DPF3: variants seen among roughly 807,000 people sequenced by gnomAD.
The protein encoded by DPF3 is double PHD fingers 3.
Under a neutral mutation model 56.8 loss-of-function variants are expected in DPF3, and 18 were observed. The ratio of observed to expected loss-of-function variants is 0.32; its 90% confidence interval spans 0.22 to 0.47. The LOEUF (loss-of-function observed/expected upper bound fraction) is 0.47, where lower values mean the gene tolerates loss of function less well. Ranked by LOEUF, DPF3 falls within the 20% of genes least tolerant of loss-of-function variation. The probability of loss-of-function intolerance (pLI) is 1.00; values close to 1 mark genes in which losing one functional copy is unlikely to be tolerated. For missense variants in DPF3, 403 were observed against 488.8 expected, an observed-to-expected ratio of 0.82 and a Z score of 1.65; for synonymous variants, 188 against 180.2, an observed-to-expected ratio of 1.04 and a Z score of -0.35.
chr14:72,773,673 T>C (rs887859332), intron 1 of DPF3: 1 of 375,668 alleles, frequency 2.7e-6, no homozygotes, highest in African/African-American at 2.1e-5. Context: ...TCTATCTCTA[T>C]GATTCTGACT....
chr14:72,851,254 C>T (rs1318236306), intron 1 of DPF3, among the ~76,000 whole-genome samples: 1 of 152,158 alleles, frequency 6.6e-6, no homozygotes, highest in African/African-American at 2.4e-5. Context: ...GAAGAGGACC[C>T]CAGGGTGCTT....
chr14:72,761,877 A>AC (rs1416679233), intron 2 of DPF3, among the ~76,000 whole-genome samples: 4 of 151,882 alleles, frequency 2.6e-5, no homozygotes, highest in African/African-American at 9.7e-5. Flanking sequence ...ATAATATGCC[A>AC]CCACAGATTC....
intron 1 of DPF3, among the ~76,000 whole-genome samples, chr14:72,815,365 G>A (rs531347957): frequency 1.3e-4 from 20 of 152,222 alleles, no homozygotes; most frequent in Non-Finnish European, 2.4e-4. Flanking sequence ...GAATAACTAC[G>A]ACTCTTACAC....
chr14:72,655,562 T>C (rs1315445829), intron 8 of DPF3, among the ~76,000 whole-genome samples: 1 of 152,256 alleles, frequency 6.6e-6, no homozygotes, highest in Non-Finnish European at 1.5e-5. Flanking sequence ...TTGGCCTTAC[T>C]GTTCTTACAG....
intron 8 of DPF3, among the ~76,000 whole-genome samples, chr14:72,649,319 T>C (rs1357071650): frequency 6.6e-6 from 1 of 151,990 alleles, no homozygotes; most frequent in African/African-American, 2.4e-5. Flanking sequence ...GTGGAGTCTT[T>C]ATGGAGGCAG....
chr14:72,892,190 G>T, intron 1 of DPF3: 1 of 1,535,434 alleles, frequency 6.5e-7, no homozygotes, highest in Non-Finnish European at 8.7e-7. Flanking sequence ...AGTTTACCAG[G>T]TGGCATCAGC....
intron 1 of DPF3, among the ~76,000 whole-genome samples, chr14:72,889,804 T>C: frequency 6.6e-6 from 1 of 152,246 alleles, no homozygotes; most frequent in East Asian, 1.9e-4. Context: ...CAGAGTAGTG[T>C]TCTTAACAAC....
At chr14:72,716,119 C>A (rs1888915873) in intron 5 of DPF3, among the ~76,000 whole-genome samples, 1 of 151,776 alleles carries the variant, frequency 6.6e-6, no homozygotes, top group Non-Finnish European at 1.5e-5. Flanking sequence ...GAGGCAACAG[C>A]AGACTGGGGA....
At chr14:72,737,708 G>A (rs1391360629) in intron 3 of DPF3, among the ~76,000 whole-genome samples, 4 of 152,226 alleles carry the variant, frequency 2.6e-5, no homozygotes, top group Admixed American at 6.5e-5. Context: ...GGGAGGCAGT[G>A]TGTTCTGCCA....
intron 1 of DPF3, among the ~76,000 whole-genome samples, chr14:72,888,110 C>T (rs1886618998): frequency 6.6e-6 from 1 of 152,110 alleles, no homozygotes; most frequent in African/African-American, 2.4e-5. Context: ...CTGGTGAGGA[C>T]TCAATGCGGG....
At chr14:72,832,918 T>C (rs78217983) in intron 1 of DPF3, among the ~76,000 whole-genome samples, 3,626 of 152,244 alleles carry the variant, frequency 0.024, 150 homozygotes, top group African/African-American at 0.083. Flanking sequence ...CTCAAGGAAT[T>C]CCTTATGGCT....
intron 1 of DPF3, among the ~76,000 whole-genome samples, chr14:72,885,811 C>A (rs1194196594): frequency 6.6e-6 from 1 of 152,130 alleles, no homozygotes; most frequent in African/African-American, 2.4e-5. Flanking sequence ...AAATGCCCAT[C>A]GGCAGTTAAA....
rs377366846 is a variant in DPF3, at chr14:72,693,112, G to A, written c.706C>T (p.Arg236Trp). Residue 236 changes from arginine to tryptophan, a missense_variant, in exon 7 of 11, where the codon CGG becomes TGG. Physicochemically the swap from Arg to Trp is moderately radical, Grantham distance 101 (BLOSUM62 -3). Coordinates refer to ENST00000556509, the MANE Select transcript of DPF3 (RefSeq NM_001280542.3). ...EGDEAQDQET[R>W]SPPNHRNENH... ...TCATTTCTGTGGTTGGGTGGGGACC[G>A]AGTCTCCTGGTCTTGAGCTTCATCC... 18 of 1,613,918 alleles carry A rather than the reference G, an allele frequency of 1.1e-5. No individual in the cohort carries two copies. The highest frequency in any genetic ancestry group is 5.5e-5 in the South Asian group (5 of 91,082).
intron 4 of DPF3, 30 bp from the exon 5 acceptor site, chr14:72,723,758 G>C: frequency 6.4e-7 from 1 of 1,555,726 alleles, no homozygotes; most frequent in Non-Finnish European, 8.7e-7. Context: ...TAGAAAAGGT[G>C]AGAAACGAAA....
At chr14:72,697,144 G>T (rs1162453887) in intron 6 of DPF3, among the ~76,000 whole-genome samples, 1 of 152,138 alleles carries the variant, frequency 6.6e-6, no homozygotes, top group Admixed American at 6.5e-5. Flanking sequence ...CCCTCTGGAT[G>T]GAGCTCCATT....
rs1267374279 is a variant in DPF3 at position 72,609,713 on chromosome 14, G to T, written c.*9584C>A. On this transcript the variant is annotated 3_prime_UTR_variant, in exon 11 of 11. Transcript: ENST00000556509. ...AGTGAAGGAGGAGGACAGCTAACGG[G>T]GTGGGAGGTGGGAGCTTTTTGTTTG... Among the ~76,000 whole-genome samples, 1 of 152,182 alleles carries T rather than the reference G, an allele frequency of 6.6e-6. No individual in the cohort carries two copies. Among genetic ancestry groups the T allele is most frequent in the Non-Finnish European group, 1.5e-5 (1 of 68,034 alleles).
At chr14:72,846,061 A>C (rs1884737799) in intron 1 of DPF3, among the ~76,000 whole-genome samples, 1 of 144,408 alleles carries the variant, frequency 6.9e-6, no homozygotes, top group South Asian at 2.2e-4. Flanking sequence ...GCTAAGTAGC[A>C]GAGTTTTTAT....
At chr14:72,676,852 T>C (rs1362919856) in intron 7 of DPF3, among the ~76,000 whole-genome samples, 1 of 152,146 alleles carries the variant, frequency 6.6e-6, no homozygotes, top group Non-Finnish European at 1.5e-5. Context: ...CAGATGAAAA[T>C]GGACTAATAC....
rs76585290 is a variant in DPF3 at position 72,783,100 on chromosome 14, T to C, written c.33-11207A>G. On this transcript the variant is annotated intron_variant, in intron 1 of 10. Transcript: ENST00000556509. Reference sequence around the variant, plus strand: ...CATATGCCATCTCCTCTACCTGGCATGACATGCTTCTCCCAGATCTTCTTG... The same window carrying C: ...CATATGCCATCTCCTCTACCTGGCACGACATGCTTCTCCCAGATCTTCTTG... 9.7e-3 allele frequency among the ~76,000 whole-genome samples: 1,472 copies of C among 152,304 alleles called. 28 individuals are homozygous for C. Among genetic ancestry groups the C allele is most frequent in the African/African-American group, 0.034 (1,399 of 41,558 alleles).
Sources: gnomAD v4.1 joint callset for allele counts (sites outside exome capture counted in the v4.1 genomes callset) on GRCh38, gnomAD v4.1.1 for gene constraint, MANE v1.5 for transcripts, NCBI Gene and HGNC (gene_info 2026-07-23, HGNC 2026-07-21) for gene names.